The following BRD10 variants were observed in gnomAD, a reference collection of about 807,000 sequenced individuals.
BRD10 encodes bromodomain containing 10, also known as uncharacterized bromodomain-containing protein 10.
chr9:5,905,996 TTAAA>T, the BRD10 span, among the ~76,000 whole-genome samples: 1 of 152,170 alleles, frequency 6.6e-6, no homozygotes, highest in Non-Finnish European at 1.5e-5. Context: ...GCATACCTAA[TTAAA>T]TACATTGTTG....
chr9:5,997,278 GAGA>G, the BRD10 span, among the ~76,000 whole-genome samples: 2 of 152,206 alleles, frequency 1.3e-5, no homozygotes, highest in East Asian at 1.9e-4. Context: ...CTTCATGAAT[GAGA>G]AGAATACCAC....
chr9:5,896,302 A>T, the BRD10 span, among the ~76,000 whole-genome samples: 75 of 152,218 alleles, frequency 4.9e-4, no homozygotes, highest in African/African-American at 1.7e-3. Context: ...TTGGTGCTCA[A>T]TGAATGGTAG....
the BRD10 span, among the ~76,000 whole-genome samples, chr9:5,996,943 G>T: frequency 2.0e-5 from 3 of 152,148 alleles, no homozygotes; most frequent in African/African-American, 7.2e-5. Context: ...TGCTAAAAAT[G>T]TAATGAGTCT....
At chr9:5,999,271 T>C in the BRD10 span, among the ~76,000 whole-genome samples, 1 of 152,066 alleles carries the variant, frequency 6.6e-6, no homozygotes, top group Admixed American at 6.6e-5. Flanking sequence ...TATTTGGAGA[T>C]GTAAATCTAG....
chr9:5,935,768 ACTTTT>A, the BRD10 span, among the ~76,000 whole-genome samples: 1 of 152,194 alleles, frequency 6.6e-6, no homozygotes, highest in Admixed American at 6.5e-5. Flanking sequence ...TATCCTACTT[ACTTTT>A]ATTTTTTCAT....
chr9:5,988,265 A>G, the BRD10 span: 1 of 959,824 alleles, frequency 1.0e-6, no homozygotes, highest in Non-Finnish European at 1.6e-6. Flanking sequence ...TTAGAACACT[A>G]CTAAAATGGG....
the BRD10 span, among the ~76,000 whole-genome samples, chr9:5,949,534 T>C: frequency 6.6e-6 from 1 of 152,208 alleles, no homozygotes; most frequent in Non-Finnish European, 1.5e-5. Context: ...TTTTCTTATG[T>C]TTGAAAACAA....
chr9:5,976,671 T>C, the BRD10 span, among the ~76,000 whole-genome samples: 1 of 152,016 alleles, frequency 6.6e-6, no homozygotes, highest in Non-Finnish European at 1.5e-5. Flanking sequence ...CAAAATTAAA[T>C]GTGACACTTT....
the BRD10 span, chr9:5,919,795 T>A: frequency 1.2e-6 from 2 of 1,613,470 alleles, no homozygotes; most frequent in East Asian, 4.5e-5. Context: ...ATGGAGAGAG[T>A]GAAGAAACCT....
At chr9:6,007,651 C>T in the BRD10 span, 1 of 1,605,060 alleles carries the variant, frequency 6.2e-7, no homozygotes, top group Non-Finnish European at 8.5e-7. Context: ...CGAGGAGGCA[C>T]TCCTTCCGTG....
the BRD10 span, among the ~76,000 whole-genome samples, chr9:5,938,936 C>T: frequency 6.6e-6 from 1 of 152,066 alleles, no homozygotes; most frequent in African/African-American, 2.4e-5. Context: ...ACTGAGAACT[C>T]TGAATATACT....
At chr9:5,881,033 A>C in the BRD10 span, among the ~76,000 whole-genome samples, 1 of 152,128 alleles carries the variant, frequency 6.6e-6, no homozygotes, top group South Asian at 2.1e-4. Flanking sequence ...GATCTCACCC[A>C]AGGTGGAGGA....
At chr9:5,960,860 C>G in the BRD10 span, among the ~76,000 whole-genome samples, 4 of 152,140 alleles carry the variant, frequency 2.6e-5, no homozygotes, top group Middle Eastern at 6.8e-3. Context: ...CAACAGGATC[C>G]TACACAGCCA....
the BRD10 span, among the ~76,000 whole-genome samples, chr9:5,989,997 C>A: frequency 6.6e-6 from 1 of 152,190 alleles, no homozygotes; most frequent in Non-Finnish European, 1.5e-5. Flanking sequence ...CAAACTGTAG[C>A]ACCATTATGT....
chr9:5,974,690 G>C, the BRD10 span, among the ~76,000 whole-genome samples: 1 of 152,180 alleles, frequency 6.6e-6, no homozygotes, highest in Non-Finnish European at 1.5e-5. Flanking sequence ...GCTGCATAAA[G>C]AGAGAACTCT....
chr9:6,007,423 C>A, the BRD10 span: 1 of 1,607,258 alleles, frequency 6.2e-7, no homozygotes. Context: ...GCCCCGGCCC[C>A]CGCTGCGCGG....
chr9:5,945,637 T>C, the BRD10 span, among the ~76,000 whole-genome samples: 5 of 152,086 alleles, frequency 3.3e-5, no homozygotes, highest in Non-Finnish European at 5.9e-5. Context: ...TACTAACAAC[T>C]AAACTAGCTT....
the BRD10 span, among the ~76,000 whole-genome samples, chr9:5,991,259 G>A: frequency 6.6e-6 from 1 of 151,874 alleles, no homozygotes; most frequent in Non-Finnish European, 1.5e-5. Flanking sequence ...CATATGATAT[G>A]TACGCATACA....
the BRD10 span, among the ~76,000 whole-genome samples, chr9:5,938,875 T>C: frequency 6.6e-6 from 1 of 152,174 alleles, no homozygotes; most frequent in Non-Finnish European, 1.5e-5. Context: ...ATTTTAAGAA[T>C]AATTTAGAGA....
Sources: gnomAD v4.1 joint callset for allele counts (sites outside exome capture counted in the v4.1 genomes callset) on GRCh38, gnomAD v4.1.1 for gene constraint, MANE v1.5 for transcripts, NCBI Gene and HGNC (gene_info 2026-07-23, HGNC 2026-07-21) for gene names.